CASP1: variants seen among roughly 807,000 people sequenced by gnomAD.
The protein encoded by CASP1 is caspase-1.
In CASP1, 31 loss-of-function variants were observed where a neutral mutation model predicts 41.2. The observed-to-expected ratio is 0.75, with a 90% CI of 0.57 to 1.02. The LOEUF is 1.02. CASP1 is among the 50% of genes least tolerant of loss of function. The probability of loss-of-function intolerance (pLI) is 0.00; values close to 1 mark genes in which losing one functional copy is unlikely to be tolerated. For synonymous variants in CASP1, 163 were observed against 166.5 expected (o/e 0.98, Z 0.16); for missense variants, 490 against 495.7 (o/e 0.99, Z 0.11).
At chr11:105,036,600 C>A (rs1293846841), upstream of CASP1, among the ~76,000 whole-genome samples, 1 of 152,134 alleles carries the variant, frequency 6.6e-6, no homozygotes, top group Non-Finnish European at 1.5e-5. Flanking sequence ...TACCCTCTTG[C>A]CTGCACCCAT....
chr11:105,035,616 C>CTTTTTTTTTTTTTTTTTTTTTTTTTTTTT (rs770202897), upstream of CASP1, among the ~76,000 whole-genome samples: 7 of 52,068 alleles, frequency 1.3e-4, no homozygotes, highest in Non-Finnish European at 2.3e-4. Flanking sequence ...TTTTTTCTTT[C>CTTTTTTTTTTTTTTTTTTTTTTTTTTTTT]TGTTTTTTTT....
chr11:105,029,145 C>G lies in CASP1; in HGVS notation c.985G>C (p.Ala329Pro), dbSNP rs780735624. ...TTACCTGGTGTGGAAGAGCAGAAAG[C>G]GATAAAATCCTTCTCTATGTGGGCT... The part of the protein sequence containing the change: ...KKAHIEKDFI[A>P]FCSSTPDNVS... The change falls in exon 7 of 9, where the codon GCT (alanine) becomes CCT (proline). Residue 329 changes from alanine to proline, a missense_variant. By Grantham distance (27) the Ala-to-Pro change is conservative. Transcript: ENST00000533400. 4 of 1,613,004 alleles carry G rather than the reference C, an allele frequency of 2.5e-6. No individual in the cohort carries two copies. Among genetic ancestry groups the G allele is most frequent in the Middle Eastern group, 1.7e-4 (1 of 6,048 alleles).
chr11:105,027,318 A>G (rs990949028), intron 7 of CASP1: 4 of 370,554 alleles, frequency 1.1e-5, no homozygotes, highest in African/African-American at 8.3e-5. Context: ...TATATTATCA[A>G]ATTCTCAATT....
intron 7 of CASP1, among the ~76,000 whole-genome samples, chr11:105,027,881 T>C (rs952813274): frequency 2.6e-5 from 4 of 152,080 alleles, no homozygotes; most frequent in South Asian, 2.1e-4. Flanking sequence ...AATGTGGAGA[T>C]AGGTTTAACA....
At chr11:105,027,649 G>C (rs921579268) in intron 7 of CASP1, among the ~76,000 whole-genome samples, 3 of 152,048 alleles carry the variant, frequency 2.0e-5, no homozygotes, top group East Asian at 1.9e-4. Flanking sequence ...ATTTTAGCCA[G>C]TTCTAATGGT....
upstream of CASP1, among the ~76,000 whole-genome samples, chr11:105,035,618 G>GTTTTTTTTTTTTTTTTTTTTT (rs56746743): frequency 1.1e-3 from 112 of 103,400 alleles, no homozygotes; most frequent in Middle Eastern, 7.1e-3. Flanking sequence ...TTTTCTTTCT[G>GTTTTTTTTTTTTTTTTTTTTT]TTTTTTTTTT....
intron 7 of CASP1, 136 bp from the exon 8 acceptor site, chr11:105,027,087 G>A (rs1017821174): frequency 1.0e-5 from 7 of 698,626 alleles, no homozygotes; most frequent in African/African-American, 8.9e-5. Flanking sequence ...GGCGGAATGG[G>A]GTAGAGGGGA....
chr11:105,030,018 GC>G, intron 5 of CASP1, 119 bp from the exon 6 acceptor site: 1 of 804,006 alleles, frequency 1.2e-6, no homozygotes, highest in Non-Finnish European at 2.0e-6. Flanking sequence ...ACAACAGGGT[GC>G]CAAAAAAAAA....
At chr11:105,034,710 G>A (rs1220627746) in intron 1 of CASP1, 3 of 675,308 alleles carry the variant, frequency 4.4e-6, no homozygotes, top group African/African-American at 3.6e-5. Flanking sequence ...TCCCTGGAAA[G>A]CAGAGATCAT....
At chr11:105,026,393 G>A (rs1279137608) in intron 8 of CASP1, 37 bp from the exon 9 acceptor site, 2 of 1,370,264 alleles carry the variant, frequency 1.5e-6, no homozygotes, top group Non-Finnish European at 1.0e-6. Flanking sequence ...CCTTTTTTTT[G>A]CTGAGTTTTT....
At chr11:105,036,411 G>T (rs918279188), upstream of CASP1, among the ~76,000 whole-genome samples, 3 of 152,130 alleles carry the variant, frequency 2.0e-5, no homozygotes, top group Non-Finnish European at 1.5e-5. Flanking sequence ...TGGTGATATG[G>T]TCTGTCTCTG....
rs565810932 is a variant in CASP1 at position 105,030,912 on chromosome 11, A to G, written c.453+253T>C. ...TATTATCATGTGCAAAATGCTTAGA[A>G]CAATGCCCATTCTTAATAAGCATTC... On this transcript the variant is annotated intron_variant, in intron 4 of 8. Transcript: ENST00000533400. 8 of 439,162 alleles carry G rather than the reference A, an allele frequency of 1.8e-5. No homozygotes were observed. The East Asian group carries it at 3.3e-4, about 18-fold the overall frequency. 27.2% of individuals were successfully genotyped at this position (439,162 alleles called of 1,614,324 possible).
intron 4 of CASP1, 121 bp from the exon 5 acceptor site, chr11:105,030,624 C>T: frequency 1.3e-6 from 1 of 768,936 alleles, no homozygotes; most frequent in Non-Finnish European, 2.1e-6. Flanking sequence ...ATGAACCATA[C>T]ATTGAAAAGG....
Position 105,025,569 on chromosome 11 carries a change from C to A in CASP1, c.*689G>T. ...GTTTATTATTCAGCAGACATAATTCCAAAAACCTTTACAGAAGGATCTCTT... is the reference window on the plus strand; with the variant it reads ...GTTTATTATTCAGCAGACATAATTCAAAAAACCTTTACAGAAGGATCTCTT... On this transcript the variant is annotated 3_prime_UTR_variant, in exon 9 of 9. Transcript: ENST00000533400. 1 of 419,626 alleles carries A rather than the reference C, an allele frequency of 2.4e-6. No individual in the cohort carries two copies. Among genetic ancestry groups the A allele is most frequent in the Non-Finnish European group, 4.7e-6 (1 of 214,932 alleles). The allele number at this position is 419,626 out of a possible 1,614,324, so 26.0% of individuals were successfully genotyped here. A position where few individuals can be genotyped will look rare whatever the true frequency, so the allele number is the denominator to read the frequency against.
chr11:105,030,608 A>C, intron 4 of CASP1, 105 bp from the exon 5 acceptor site: 1 of 868,330 alleles, frequency 1.2e-6, no homozygotes, highest in Non-Finnish European at 1.8e-6. Flanking sequence ...CAAGATACCA[A>C]ACCCCATGAA....
intron 2 of CASP1, 21 bp downstream of exon 2, chr11:105,034,187 G>A (rs781581288): frequency 6.2e-7 from 1 of 1,613,938 alleles, no homozygotes; most frequent in Non-Finnish European, 8.5e-7. Flanking sequence ...GTGAACTTGA[G>A]TGTAAGTCAC....
intron 8 of CASP1, 196 bp from the exon 9 acceptor site, chr11:105,026,552 GC>G (rs1417129158): frequency 1.7e-6 from 1 of 599,690 alleles, no homozygotes; most frequent in African/African-American, 1.9e-5. Context: ...TTTTAAATCT[GC>G]TGCTGGATCT....
At chr11:105,032,594 G>A (rs1863767000) in intron 3 of CASP1, among the ~76,000 whole-genome samples, 1 of 152,130 alleles carries the variant, frequency 6.6e-6, no homozygotes. Context: ...AGAAAAGCCT[G>A]CATAAAACTT....
rs144113721 is a variant in CASP1, at chr11:105,034,186, A to G, written c.274+22T>C. The G allele has an allele frequency of 4.9e-4, 790 of 1,613,824 alleles. 5 individuals carry two copies. In the African/African-American group the frequency reaches 9.0e-3, roughly 18 times the overall value. On this transcript the variant is annotated intron_variant, in intron 2 of 8. Coordinates refer to ENST00000533400, the MANE Select transcript of CASP1 (RefSeq NM_001257118.3). ...CGAAGACAGGCCCTAGGTGAACTTG[A>G]GTGTAAGTCACTGACCCTTACCTGC...
Sources: gnomAD v4.1 joint callset for allele counts (sites outside exome capture counted in the v4.1 genomes callset) on GRCh38, gnomAD v4.1.1 for gene constraint, MANE v1.5 for transcripts, NCBI Gene and HGNC (gene_info 2026-07-23, HGNC 2026-07-21) for gene names.